CNTN5: variants seen among roughly 807,000 people sequenced by gnomAD.
CNTN5 encodes the protein contactin-5.
In CNTN5, 77 loss-of-function variants were observed where a neutral mutation model predicts 129.1. The observed-to-expected ratio is 0.60, with a 90% CI of 0.50 to 0.72. The LOEUF is 0.72. Ranked by LOEUF, CNTN5 falls within the 30% of genes least tolerant of loss-of-function variation. The pLI is 0.00. For synonymous variants in CNTN5, 509 were observed against 465.6 expected, an observed-to-expected ratio of 1.09 and a Z score of -1.20; for missense variants, 1,478 against 1,328.8, an observed-to-expected ratio of 1.11 and a Z score of -1.75.
rs547281646 is a variant in CNTN5 at position 99,810,688 on chromosome 11, G to T, written c.56-8856G>T. 1.4e-3 allele frequency among the ~76,000 whole-genome samples: 214 copies of T among 152,240 alleles called. 1 individual carries two copies. The highest frequency in any genetic ancestry group is 5.0e-3 in the African/African-American group (209 of 41,562). ...TATTCTCCACACGACTGGCTTTGCT[G>T]AGGTGTTTCATCCATCCTTGCAAGC... On this transcript the variant is annotated intron_variant, in intron 3 of 24. Transcript: ENST00000524871.
At chr11:100,351,647 G>A (rs1195543320) in intron 24 of CNTN5, among the ~76,000 whole-genome samples, 5 of 124,512 alleles carry the variant, frequency 4.0e-5, no homozygotes, top group East Asian at 2.7e-4. Flanking sequence ...CAACCATTTC[G>A]TAGAGATAGT....
At chr11:99,899,485 T>G (rs924434486) in intron 6 of CNTN5, among the ~76,000 whole-genome samples, 11 of 152,190 alleles carry the variant, frequency 7.2e-5, no homozygotes, top group African/African-American at 1.2e-4. Flanking sequence ...GAGATGATCA[T>G]ATAGTTTTCA....
intron 2 of CNTN5, among the ~76,000 whole-genome samples, chr11:99,397,491 A>AT (rs1030507481): frequency 1.3e-5 from 2 of 151,716 alleles, no homozygotes; most frequent in Admixed American, 6.6e-5. Flanking sequence ...TTTTGTACAG[A>AT]TTTTTTTCCT....
chr11:99,924,086 G>A (rs908945085), intron 7 of CNTN5, among the ~76,000 whole-genome samples: 8 of 152,024 alleles, frequency 5.3e-5, no homozygotes, highest in East Asian at 1.9e-4. Flanking sequence ...CGCCACACCC[G>A]GCATCTATTA....
At chr11:99,773,526 T>C (rs903704091) in intron 3 of CNTN5, among the ~76,000 whole-genome samples, 1 of 152,084 alleles carries the variant, frequency 6.6e-6, no homozygotes, top group African/African-American at 2.4e-5. Context: ...TATGTTAGAC[T>C]GCAAATTAAT....
chr11:99,642,477 C>T (rs651391), intron 3 of CNTN5, among the ~76,000 whole-genome samples: 91,418 of 151,894 alleles, frequency 0.6, 28,327 homozygotes, highest in Admixed American at 0.69. Context: ...TGTATTTTGT[C>T]ATTAGTTGAC....
intron 7 of CNTN5, among the ~76,000 whole-genome samples, chr11:99,939,993 T>G (rs1591452230): frequency 6.6e-6 from 1 of 152,218 alleles, no homozygotes; most frequent in African/African-American, 2.4e-5. Flanking sequence ...ATATTTCACT[T>G]CTGGATTAGT....
At chr11:99,058,990 T>G (rs901907052) in intron 1 of CNTN5, among the ~76,000 whole-genome samples, 1 of 149,588 alleles carries the variant, frequency 6.7e-6, no homozygotes, top group Non-Finnish European at 1.5e-5. Flanking sequence ...ACATATATAA[T>G]AATGTATATA....
In CNTN5 at chr11:100,356,343, A is replaced by G. The variant is rs1409989496; in HGVS notation, c.*123A>G. On this transcript the variant is annotated 3_prime_UTR_variant, in exon 25 of 25. Transcript: ENST00000524871. Reference sequence around the variant, plus strand: ...GAGCTTTAAAAACTTGGGACTATACATGGTGAACTTACAGGAGGTTAGGGG... The same window carrying G: ...GAGCTTTAAAAACTTGGGACTATACGTGGTGAACTTACAGGAGGTTAGGGG... The G allele has an allele frequency of 2.9e-6, 2 of 697,448 alleles. No homozygotes were observed. Among genetic ancestry groups the G allele is most frequent in the African/African-American group, 1.8e-5 (1 of 55,936 alleles). The allele number at this position is 697,448 out of a possible 1,614,324, so 43.2% of individuals were successfully genotyped here. A position where few individuals can be genotyped will look rare whatever the true frequency, so the allele number is the denominator to read the frequency against.
chr11:99,747,614 C>G (rs141099081), intron 3 of CNTN5, among the ~76,000 whole-genome samples: 1 of 151,906 alleles, frequency 6.6e-6, no homozygotes, highest in African/African-American at 2.4e-5. Flanking sequence ...GGACTACAGG[C>G]GCCTGCTACC....
chr11:99,647,886 T>C (rs1198518375), intron 3 of CNTN5, among the ~76,000 whole-genome samples: 1 of 152,014 alleles, frequency 6.6e-6, no homozygotes, highest in Non-Finnish European at 1.5e-5. Flanking sequence ...ATTTTGTATT[T>C]GCAACTTGAT....
At chr11:100,176,929 A>C (rs1367266694) in intron 13 of CNTN5, among the ~76,000 whole-genome samples, 1 of 151,754 alleles carries the variant, frequency 6.6e-6, no homozygotes, top group African/African-American at 2.4e-5. Flanking sequence ...GATGCATTAC[A>C]AGACAGTTCC....
At chr11:99,751,900 T>A (rs185900710) in intron 3 of CNTN5, among the ~76,000 whole-genome samples, 2 of 152,250 alleles carry the variant, frequency 1.3e-5, no homozygotes, top group African/African-American at 4.8e-5. Context: ...GCATTTGGCT[T>A]TTTGCCCTGC....
rs561268324 is a variant in CNTN5 at position 100,322,513 on chromosome 11, C to T, written c.2730+14045C>T. ...CTGGGATTACAGGCATGAGCCACTGCGCCCGGCCTCGTAATGCTGTCTTCT... is the reference window on the plus strand; with the variant it reads ...CTGGGATTACAGGCATGAGCCACTGTGCCCGGCCTCGTAATGCTGTCTTCT... On this transcript the variant is annotated intron_variant, in intron 21 of 24. Coordinates refer to ENST00000524871, the MANE Select transcript of CNTN5 (RefSeq NM_014361.4). 6.6e-5 allele frequency among the ~76,000 whole-genome samples: 10 copies of T among 152,276 alleles called. No individual in the cohort carries two copies. In the East Asian group the frequency reaches 1.7e-3, roughly 27 times the overall value.
intron 7 of CNTN5, among the ~76,000 whole-genome samples, chr11:99,945,233 T>C (rs986567566): frequency 1.3e-5 from 2 of 152,006 alleles, no homozygotes; most frequent in African/African-American, 4.8e-5. Context: ...CAATTTGATA[T>C]GAGATTGGAA....
Position 99,114,450 on chromosome 11 carries a change from C to T in CNTN5, c.-210+93180C>T, listed in dbSNP as rs568204917. Among the ~76,000 whole-genome samples the T allele has an allele frequency of 3.4e-5, 5 of 146,774 alleles. No homozygotes were observed. The East Asian group carries it at 1.0e-3, about 30-fold the overall frequency. On this transcript the variant is annotated intron_variant, in intron 1 of 24. Transcript: ENST00000524871. ...CTCCTCCTCCTCCCCCATCCCATCC[C>T]CCTTCTTCTTTCCTTCCTCCTTCTC...
intron 2 of CNTN5, among the ~76,000 whole-genome samples, chr11:99,497,099 G>A (rs1386614356): frequency 1.3e-5 from 2 of 152,130 alleles, no homozygotes; most frequent in South Asian, 2.1e-4. Flanking sequence ...TGTAAAGTGT[G>A]TTAAACAGGG....
intron 6 of CNTN5, among the ~76,000 whole-genome samples, chr11:99,846,741 A>G (rs1487688859): frequency 6.6e-6 from 1 of 152,180 alleles, no homozygotes; most frequent in African/African-American, 2.4e-5. Context: ...ACCCTATTAA[A>G]GAAGTGTGAA....
intron 3 of CNTN5, among the ~76,000 whole-genome samples, chr11:99,721,486 G>C (rs1943171301): frequency 6.6e-6 from 1 of 152,086 alleles, no homozygotes; most frequent in Non-Finnish European, 1.5e-5. Flanking sequence ...GTCAACTCTA[G>C]TTGGATTAAA....
Sources: gnomAD v4.1 joint callset for allele counts (sites outside exome capture counted in the v4.1 genomes callset) on GRCh38, gnomAD v4.1.1 for gene constraint, MANE v1.5 for transcripts, NCBI Gene and HGNC (gene_info 2026-07-23, HGNC 2026-07-21) for gene names.